LAMA2: variants seen among roughly 807,000 people sequenced by gnomAD.
LAMA2 encodes the protein laminin subunit alpha 2, also known as laminin subunit alpha-2.
LAMA2 carries 269 observed loss-of-function variants against 364.8 expected under a neutral mutation model. The observed-to-expected ratio is 0.74, with a 90% CI of 0.67 to 0.82. The LOEUF (loss-of-function observed/expected upper bound fraction) is 0.82, where lower values mean the gene tolerates loss of function less well. Among genes scored for constraint, LAMA2 ranks in the 40% least tolerant of loss-of-function variants. The pLI is 0.00. For missense variants in LAMA2, 3,807 were observed against 3,873.2 expected (o/e 0.98, Z 0.45); for synonymous variants, 1,379 against 1,370.6 (o/e 1.01, Z -0.14).
At chr6:129,455,879 G>T (rs1182746781) in intron 47 of LAMA2, among the ~76,000 whole-genome samples, 2 of 152,114 alleles carry the variant, frequency 1.3e-5, no homozygotes, top group Non-Finnish European at 2.9e-5. Flanking sequence ...TGCAGCTTAT[G>T]ATATGAAAGG....
intron 36 of LAMA2, 35 bp from the exon 37 acceptor site, chr6:129,393,010 C>T (rs1562522179): frequency 6.5e-7 from 1 of 1,538,980 alleles, no homozygotes. Context: ...GTGACATGAG[C>T]TCATTGTCTA....
At chr6:129,232,118 T>C (rs1426941340) in intron 12 of LAMA2, among the ~76,000 whole-genome samples, 1 of 152,152 alleles carries the variant, frequency 6.6e-6, no homozygotes, top group Non-Finnish European at 1.5e-5. Flanking sequence ...GAAGACATTT[T>C]CTTGTTTGGC....
At chr6:129,340,830 C>CAAAAAAAAAAAAAAAAAAAAAAAAAAA in intron 29 of LAMA2, among the ~76,000 whole-genome samples, 1 of 59,592 alleles carries the variant, frequency 1.7e-5, no homozygotes, top group Non-Finnish European at 3.6e-5. Flanking sequence ...AGCTCTGTCT[C>CAAAAAAAAAAAAAAAAAAAAAAAAAAA]AAAAAAAAAA....
chr6:128,952,401 C>A (rs1187575089), intron 1 of LAMA2, among the ~76,000 whole-genome samples: 1 of 151,880 alleles, frequency 6.6e-6, no homozygotes, highest in African/African-American at 2.4e-5. Context: ...AATTTTGGAG[C>A]AGCTACCATA....
chr6:129,255,969 T>G (rs1307879178), intron 14 of LAMA2, among the ~76,000 whole-genome samples: 3 of 152,210 alleles, frequency 2.0e-5, no homozygotes, highest in African/African-American at 7.2e-5. Flanking sequence ...TACCTCCCAA[T>G]GCTATTCCAT....
rs746327071 is a variant in LAMA2, at chr6:129,267,215, G to A, written c.2318G>A (p.Cys773Tyr). The change falls in exon 16 of 65, where the codon TGC (cysteine) becomes TAC (tyrosine). Residue 773 changes from cysteine (C) to tyrosine (Y), a missense_variant. Physicochemically the swap from Cys to Tyr is radical, Grantham distance 194. Around this residue, in one of 3 missense-constraint regions of LAMA2, gnomAD observed 3,333 missense variants for 3,345.7 expected, o/e 1.00. Transcript: ENST00000421865. ...AESCDDVTGE[C>Y]LNCKDHTGGP... is the part of the protein sequence containing the mutation. The stretch of plus-strand genomic sequence containing the variant: ...TCCTGTGATGACGTCACTGGAGAAT[G>A]CCTGGTAAGTGCTCTCTTCTTTGGG... The A allele has an allele frequency of 1.3e-6, 2 of 1,598,610 alleles. No individual in the cohort carries two copies. Among genetic ancestry groups the A allele is most frequent in the South Asian group, 2.2e-5 (2 of 90,790 alleles).
At chr6:128,971,669 A>G (rs1457465711) in intron 1 of LAMA2, among the ~76,000 whole-genome samples, 2 of 152,178 alleles carry the variant, frequency 1.3e-5, no homozygotes, top group Non-Finnish European at 2.9e-5. Flanking sequence ...AGATGGTAAG[A>G]AAAGCTGAAA....
At chr6:129,499,087 A>G (rs111973764) in intron 58 of LAMA2, among the ~76,000 whole-genome samples, 1 of 152,106 alleles carries the variant, frequency 6.6e-6, no homozygotes, top group African/African-American at 2.4e-5. Context: ...TCCCCACCCA[A>G]GTCCTGTCTG....
At position 129,020,268 on chromosome 6, in the gene LAMA2, G is replaced by A. The variant is rs556270167; in HGVS notation, c.113-29650G>A. Among the ~76,000 whole-genome samples, 9 of 152,262 alleles carry A rather than the reference G, an allele frequency of 5.9e-5. 1 individual carries two copies. The South Asian group carries it at 1.9e-3, about 32-fold the overall frequency. ...GTAATCTCCATACTTATTCCTGGAG[G>A]AGAGGTGGTTACAAGTATTCTGGGG... On this transcript the variant is annotated intron_variant, in intron 1 of 64. Coordinates refer to ENST00000421865, the MANE Select transcript of LAMA2 (RefSeq NM_000426.4).
At chr6:129,042,252 T>A (rs1041051923) in intron 1 of LAMA2, among the ~76,000 whole-genome samples, 2 of 151,822 alleles carry the variant, frequency 1.3e-5, no homozygotes, top group Admixed American at 1.3e-4. Flanking sequence ...TTGCAGTGAG[T>A]TGGGATCATA....
At chr6:129,505,174 A>G in intron 60 of LAMA2, 26 bp from the exon 61 acceptor site, 5 of 1,607,672 alleles carry the variant, frequency 3.1e-6, no homozygotes, top group South Asian at 1.1e-5. Context: ...CAGGATTGGC[A>G]TTAATGACTC....
At chr6:129,083,938 G>C (rs994463754) in intron 3 of LAMA2, among the ~76,000 whole-genome samples, 1 of 152,132 alleles carries the variant, frequency 6.6e-6, no homozygotes, top group African/African-American at 2.4e-5. Context: ...AGATACACAC[G>C]ATTAGATTTT....
chr6:129,314,661 G>T lies in LAMA2; in HGVS notation c.3418G>T (p.Val1140Leu), dbSNP rs1470759028. Residue 1140 changes from valine (V) to leucine (L), a missense_variant, in exon 24 of 65, where the codon GTG (valine) becomes TTG (leucine). Coordinates refer to ENST00000421865, the MANE Select transcript of LAMA2 (RefSeq NM_000426.4). ...QTGQCTCKVNVEGIHCDRCRP... is the reference protein window; with the variant it reads ...QTGQCTCKVNLEGIHCDRCRP... ...GTCTCTTGTCTTTCCTCAGGTGAAT[G>T]TGGAAGGCATCCACTGTGACAGATG... The T allele has an allele frequency of 1.9e-6, 3 of 1,613,564 alleles. No individual in the cohort carries two copies. Among genetic ancestry groups the T allele is most frequent in the Non-Finnish European group, 2.5e-6 (3 of 1,179,986 alleles).
At position 129,094,246 on chromosome 6, in the gene LAMA2, C is replaced by A. The variant is rs188271973; in HGVS notation, c.397-3927C>A. 1.3e-4 allele frequency among the ~76,000 whole-genome samples: 20 copies of A among 152,236 alleles called. No individual in the cohort carries two copies. The East Asian group carries it at 3.7e-3, about 28-fold the overall frequency. ...GTTTACTCAAAAACTACATGACTTT[C>A]AAGTCATTTAAGAAGTCCAAAAGAA... On this transcript the variant is annotated intron_variant, in intron 3 of 64. Coordinates refer to ENST00000421865, the MANE Select transcript of LAMA2 (RefSeq NM_000426.4).
At chr6:128,909,742 T>C (rs1410629453) in intron 1 of LAMA2, among the ~76,000 whole-genome samples, 2 of 152,162 alleles carry the variant, frequency 1.3e-5, no homozygotes, top group African/African-American at 4.8e-5. Flanking sequence ...CGATGGTCTT[T>C]ACATTTTGGC....
intron 1 of LAMA2, among the ~76,000 whole-genome samples, chr6:128,926,953 C>A (rs1779140619): frequency 6.6e-6 from 1 of 152,172 alleles, no homozygotes; most frequent in Admixed American, 6.5e-5. Flanking sequence ...AGGTTGACAT[C>A]CAGTTTGAAT....
chr6:129,248,004 G>A lies in LAMA2; in HGVS notation c.1783-2108G>A, dbSNP rs569528164. On this transcript the variant is annotated intron_variant, in intron 12 of 64. Transcript: ENST00000421865. ...GGATCCCCAACTCCCGGGCTATACA[G>A]GTCTGTGGCCTGTTAAGAATTGGGC... Among the ~76,000 whole-genome samples, 5 of 152,256 alleles carry A rather than the reference G, an allele frequency of 3.3e-5. No individual in the cohort carries two copies. The South Asian group carries it at 1.0e-3, about 32-fold the overall frequency.
intron 28 of LAMA2, among the ~76,000 whole-genome samples, chr6:129,326,959 C>T (rs140475809): frequency 0.016 from 2,440 of 151,102 alleles, 39 homozygotes; most frequent in South Asian, 0.025. Flanking sequence ...CCATCATTTC[C>T]AGGACTTATT....
intron 1 of LAMA2, among the ~76,000 whole-genome samples, chr6:128,943,269 CAGAGAGAGAGAGAGAGAG>C (rs6149801): frequency 5.6e-5 from 8 of 143,082 alleles, no homozygotes; most frequent in Admixed American, 5.6e-4. Flanking sequence ...TATATATACA[CAGAGAGAGAGAGAGAGAG>C]AGAGAGAGAG....
Sources: gnomAD v4.1 joint callset for allele counts (sites outside exome capture counted in the v4.1 genomes callset) on GRCh38, gnomAD v4.1.1 for gene constraint, gnomAD v4.1.1 regional missense constraint, MANE v1.5 for transcripts, NCBI Gene and HGNC (gene_info 2026-07-23, HGNC 2026-07-21) for gene names.